The following IQCH variants were observed in gnomAD, a reference collection of about 807,000 sequenced individuals.
The protein encoded by IQCH is IQ domain-containing protein H.
In IQCH, 98 loss-of-function variants were observed where a neutral mutation model predicts 117.0. That is an observed-to-expected ratio of 0.84 (90% CI 0.71 to 0.99). IQCH has a LOEUF of 0.99. IQCH is among the 50% of genes least tolerant of loss of function. IQCH has a pLI of 0.00. For missense variants in IQCH, 1,102 were observed against 1,243.8 expected (o/e 0.89, Z 1.72); for synonymous variants, 412 against 448.2 (o/e 0.92, Z 1.02).
Position 67,372,337 on chromosome 15 carries a change from TC to T in IQCH, c.982del (p.Leu328PhefsTer6). ...VKIKGNNLVALLPEFELTNKL... is the reference protein window; with the variant it reads ...VKIKGNNLVAXLPEFELTNKL... ...ATAAAAGGGAATAATTTGGTGGCCC[TC>T]CTTCCAGAGTTTGAGCTGACGAATA... On this transcript the variant is annotated frameshift_variant, in exon 9 of 21. Transcript: ENST00000335894. LOFTEE classifies it high-confidence loss of function. The T allele has an allele frequency of 6.2e-7, 1 of 1,614,052 alleles. No individual in the cohort carries two copies. The highest frequency in any genetic ancestry group is 8.5e-7 in the Non-Finnish European group (1 of 1,179,990).
intron 4 of IQCH, among the ~76,000 whole-genome samples, chr15:67,323,662 G>A (rs1421710613): frequency 2.0e-5 from 3 of 151,960 alleles, no homozygotes; most frequent in African/African-American, 7.3e-5. Flanking sequence ...TCATCCTTAA[G>A]TTACCAGAGT....
At chr15:67,498,618 A>AG (rs1405048695) in intron 20 of IQCH, among the ~76,000 whole-genome samples, 1 of 39,154 alleles carries the variant, frequency 2.6e-5, no homozygotes, top group African/African-American at 1.0e-4. Context: ...TCCGTCTCAA[A>AG]AAAAAAAAAA....
chr15:67,414,024 GT>G (rs1037898526), intron 14 of IQCH, among the ~76,000 whole-genome samples: 2 of 152,210 alleles, frequency 1.3e-5, no homozygotes, highest in Admixed American at 1.3e-4. Context: ...TGCATCTGAG[GT>G]GACACTTCAT....
intron 10 of IQCH, among the ~76,000 whole-genome samples, chr15:67,374,411 T>C (rs901556164): frequency 6.6e-6 from 1 of 152,232 alleles, no homozygotes; most frequent in Non-Finnish European, 1.5e-5. Flanking sequence ...TTCATATTCA[T>C]ATGTGAGCAT....
At position 67,427,004 on chromosome 15, in the gene IQCH, A is replaced by T. The variant is rs2081908984; in HGVS notation, c.2505+5427A>T. 6.6e-6 allele frequency among the ~76,000 whole-genome samples: 1 copy of T among 152,056 alleles called. No individual in the cohort carries two copies. The highest frequency in any genetic ancestry group is 1.5e-5 in the Non-Finnish European group (1 of 68,008). On this transcript the variant is annotated intron_variant, in intron 16 of 20. Coordinates refer to ENST00000335894, the MANE Select transcript of IQCH (RefSeq NM_001031715.3). The surrounding 1 kb of genome is among the most constrained non-coding windows in gnomAD (Gnocchi z 4.7). The stretch of plus-strand genomic sequence containing the variant: ...ATCCAAAAAAAAAAAAGAAGAAGAA[A>T]ATCCCAGAAACAGGAGGATCAAGAT...
chr15:67,457,331 G>A lies in IQCH; in HGVS notation c.2506-7796G>A, dbSNP rs910994351. On this transcript the variant is annotated intron_variant, in intron 16 of 20. Transcript: ENST00000335894. This position sits in a 1 kb window ranked among gnomAD's most constrained non-coding sequence, Gnocchi z 5.7. ...TGTTTACCACAATGGAGAGCTCCATGCTGTCTGGAGATTCAGTGATCCAAG... is the reference window on the plus strand; with the variant it reads ...TGTTTACCACAATGGAGAGCTCCATACTGTCTGGAGATTCAGTGATCCAAG... Among the ~76,000 whole-genome samples the A allele has an allele frequency of 4.6e-5, 7 of 152,216 alleles. No individual in the cohort carries two copies. The highest frequency in any genetic ancestry group is 1.0e-4 in the Non-Finnish European group (7 of 68,040).
intron 6 of IQCH, among the ~76,000 whole-genome samples, chr15:67,355,477 C>T (rs1969853520): frequency 6.6e-6 from 1 of 151,922 alleles, no homozygotes; most frequent in African/African-American, 2.4e-5. Context: ...GTAGTCTCAG[C>T]TATTCTGGAG....
chr15:67,339,973 T>C (rs1385343844), intron 5 of IQCH, among the ~76,000 whole-genome samples: 1 of 151,660 alleles, frequency 6.6e-6, no homozygotes, highest in East Asian at 1.9e-4. Context: ...AATTTCTCTC[T>C]TCTAGAAGTC....
In IQCH at chr15:67,384,786, C is replaced by G. The variant is rs1971053619; in HGVS notation, c.1373-150C>G. 3.3e-6 allele frequency: 2 copies of G among 597,366 alleles called. No individual in the cohort carries two copies. The highest frequency in any genetic ancestry group is 2.5e-5 in the Admixed American group (1 of 40,658). 37.0% of individuals were successfully genotyped at this position (597,366 alleles called of 1,614,324 possible). A position where few individuals can be genotyped will look rare whatever the true frequency, so the allele number is the denominator to read the frequency against. On this transcript the variant is annotated intron_variant, in intron 10 of 20. Coordinates refer to ENST00000335894, the MANE Select transcript of IQCH (RefSeq NM_001031715.3). This position sits in a 1 kb window ranked among gnomAD's most constrained non-coding sequence, Gnocchi z 4.3. ...TTTAATTCCCCCGAGAAACAAGCAC[C>G]TCATTCTTCGGGATTGGGTTGTTTC...
At chr15:67,320,451 A>G (rs972028023) in intron 4 of IQCH, among the ~76,000 whole-genome samples, 1 of 152,110 alleles carries the variant, frequency 6.6e-6, no homozygotes, top group African/African-American at 2.4e-5. Flanking sequence ...ATGAAATGTA[A>G]TAGTCATGTA....
At chr15:67,462,179 T>A (rs550959791) in intron 16 of IQCH, among the ~76,000 whole-genome samples, 6 of 151,404 alleles carry the variant, frequency 4.0e-5, no homozygotes, top group Non-Finnish European at 8.9e-5. Flanking sequence ...TGTCTGTAAT[T>A]TCAGCACTTT....
In IQCH at chr15:67,369,293, G is replaced by A. The variant is rs1970439420; in HGVS notation, c.754-2818G>A. Among the ~76,000 whole-genome samples the A allele has an allele frequency of 6.6e-6, 1 of 152,096 alleles. No individual in the cohort carries two copies. The highest frequency in any genetic ancestry group is 2.4e-5 in the African/African-American group (1 of 41,398). On this transcript the variant is annotated intron_variant, in intron 8 of 20. Coordinates refer to ENST00000335894, the MANE Select transcript of IQCH (RefSeq NM_001031715.3). This position sits in a 1 kb window ranked among gnomAD's most constrained non-coding sequence, Gnocchi z 5.2. ...GCTAATAATTAGGCCACAGGTTTGGGCTTCATGTGGGCCAATTAGTGAATA... is the reference window on the plus strand; with the variant it reads ...GCTAATAATTAGGCCACAGGTTTGGACTTCATGTGGGCCAATTAGTGAATA...
intron 9 of IQCH, among the ~76,000 whole-genome samples, chr15:67,373,104 G>A (rs1970609069): frequency 6.6e-6 from 1 of 151,898 alleles, no homozygotes; most frequent in Non-Finnish European, 1.5e-5. Flanking sequence ...TTTAATTAGT[G>A]CTCACAATTT....
chr15:67,343,481 A>T (rs1969257808), intron 5 of IQCH, among the ~76,000 whole-genome samples: 1 of 152,334 alleles, frequency 6.6e-6, no homozygotes, highest in Non-Finnish European at 1.5e-5. Context: ...CTAACACAGT[A>T]TGAATGCTAG....
chr15:67,497,658 T>A (rs2083858919), intron 20 of IQCH, among the ~76,000 whole-genome samples: 1 of 152,090 alleles, frequency 6.6e-6, no homozygotes, highest in South Asian at 2.1e-4. Flanking sequence ...CATGCCTGGC[T>A]AATTTTTTAT....
chr15:67,456,751 T>A lies in IQCH; in HGVS notation c.2506-8376T>A, dbSNP rs972681654. Among the ~76,000 whole-genome samples, 3 of 152,112 alleles carry A rather than the reference T, an allele frequency of 2.0e-5. No individual in the cohort carries two copies. The highest frequency in any genetic ancestry group is 7.2e-5 in the African/African-American group (3 of 41,426). On this transcript the variant is annotated intron_variant, in intron 16 of 20. Coordinates refer to ENST00000335894, the MANE Select transcript of IQCH (RefSeq NM_001031715.3). The surrounding 1 kb of genome is among the most constrained non-coding windows in gnomAD (Gnocchi z 5.1). Reference sequence around the variant, plus strand: ...GAACTCCCAAATATGGATTTTGGATTTTTTTCAGAATCCAAAAGTTTTGAA... The same window carrying A: ...GAACTCCCAAATATGGATTTTGGATATTTTTCAGAATCCAAAAGTTTTGAA...
At chr15:67,373,832 A>G (rs1445141765) in intron 10 of IQCH, 4 of 258,862 alleles carry the variant, frequency 1.5e-5, no homozygotes, top group Non-Finnish European at 2.9e-5. Flanking sequence ...ACTGTTTTTA[A>G]TCAAATGTGC....
chr15:67,388,541 T>C lies in IQCH; in HGVS notation c.1457-290T>C, dbSNP rs895390132. Among the ~76,000 whole-genome samples, 17 of 152,224 alleles carry C rather than the reference T, an allele frequency of 1.1e-4. No individual in the cohort carries two copies. The highest frequency in any genetic ancestry group is 4.1e-4 in the African/African-American group (17 of 41,462). Reference sequence around the variant, plus strand: ...AATGGGAGTTGTGTGGCTAAATCCCTATGTATTATTTGAAAGTACATTTCC... The same window carrying C: ...AATGGGAGTTGTGTGGCTAAATCCCCATGTATTATTTGAAAGTACATTTCC... On this transcript the variant is annotated intron_variant, in intron 11 of 20. Transcript: ENST00000335894. The surrounding 1 kb of genome is among the most constrained non-coding windows in gnomAD (Gnocchi z 5.5).
In IQCH at chr15:67,496,978, A is replaced by C. The variant is rs1054126795; in HGVS notation, c.2970+2612A>C. Reference sequence around the variant, plus strand: ...GCTTGCAGTGAGCCGAGATTGCGCCACTGCAGTCCGCAGTCCGGCCTGGGC... The same window carrying C: ...GCTTGCAGTGAGCCGAGATTGCGCCCCTGCAGTCCGCAGTCCGGCCTGGGC... On this transcript the variant is annotated intron_variant, in intron 20 of 20. Transcript: ENST00000335894. The surrounding 1 kb of genome is among the most constrained non-coding windows in gnomAD (Gnocchi z 4.4). Among the ~76,000 whole-genome samples, 2 of 142,930 alleles carry C rather than the reference A, an allele frequency of 1.4e-5. No individual in the cohort carries two copies. The highest frequency in any genetic ancestry group is 3.0e-5 in the Non-Finnish European group (2 of 66,418). 93.8% of individuals were successfully genotyped at this position (142,930 alleles called of 152,430 possible).
Sources: gnomAD v4.1 joint callset for allele counts (sites outside exome capture counted in the v4.1 genomes callset) on GRCh38, gnomAD v4.1.1 for gene constraint, Gnocchi (gnomAD v3.1) non-coding constraint, MANE v1.5 for transcripts, NCBI Gene and HGNC (gene_info 2026-07-23, HGNC 2026-07-21) for gene names.